RGS8: variants seen among roughly 807,000 people sequenced by gnomAD.
The protein encoded by RGS8 is regulator of G-protein signaling 8.
A neutral mutation model predicts 21.7 loss-of-function variants in RGS8; 8 were observed. The observed-to-expected ratio is 0.37, with a 90% CI of 0.22 to 0.66. RGS8 has a LOEUF of 0.66. Among genes scored for constraint, RGS8 ranks in the 30% least tolerant of loss-of-function variants. The probability of loss-of-function intolerance (pLI) is 0.59; values close to 1 mark genes in which losing one functional copy is unlikely to be tolerated. For missense variants in RGS8, 157 were observed against 217.9 expected (o/e 0.72, Z 1.76); for synonymous variants, 80 against 83.6 (o/e 0.96, Z 0.24).
the RGS8 span, among the ~76,000 whole-genome samples, chr1:182,705,269 C>T: frequency 6.6e-6 from 1 of 152,118 alleles, no homozygotes; most frequent in African/African-American, 2.4e-5. Flanking sequence ...ACAAAGAGTA[C>T]CCATGCCTGA....
chr1:182,687,906 G>C (rs202234271), upstream of RGS8, among the ~76,000 whole-genome samples: 13 of 152,326 alleles, frequency 8.5e-5, no homozygotes, highest in East Asian at 2.3e-3. Context: ...ACCTATCCCT[G>C]ACCAAGGAAC....
chr1:182,652,889 A>G (rs577441688), intron 5 of RGS8, among the ~76,000 whole-genome samples: 2 of 152,268 alleles, frequency 1.3e-5, no homozygotes, highest in African/African-American at 4.8e-5. Context: ...AAGGAGAGGA[A>G]GGAGAAGAGA....
At chr1:182,712,614 T>C in the RGS8 span, among the ~76,000 whole-genome samples, 1 of 152,212 alleles carries the variant, frequency 6.6e-6, no homozygotes, top group Admixed American at 6.5e-5. Flanking sequence ...AACAATACCC[T>C]TTAGGATGTT....
At chr1:182,738,662 G>C in the RGS8 span, among the ~76,000 whole-genome samples, 3 of 152,170 alleles carry the variant, frequency 2.0e-5, no homozygotes, top group African/African-American at 7.2e-5. Context: ...GTCAGAACAT[G>C]AGGGAATAAA....
intron 3 of RGS8, 131 bp from the exon 5 acceptor site, chr1:182,667,104 G>T (rs1213861728): frequency 2.8e-6 from 2 of 715,094 alleles, no homozygotes; most frequent in Non-Finnish European, 5.0e-6. Flanking sequence ...GGTCTCTGAA[G>T]ACTTCATGAA....
chr1:182,719,461 C>CTTTT, the RGS8 span, among the ~76,000 whole-genome samples: 25 of 140,664 alleles, frequency 1.8e-4, no homozygotes, highest in African/African-American at 6.6e-4. Flanking sequence ...TTTCTTTCTT[C>CTTTT]TTTTTTTTTT....
At chr1:182,740,573 T>TTTTTTTTTTTA in the RGS8 span, among the ~76,000 whole-genome samples, 3 of 87,322 alleles carry the variant, frequency 3.4e-5, no homozygotes, top group Admixed American at 1.3e-4. Context: ...TTTTTTTTTT[T>TTTTTTTTTTTA]ATTGATCATT....
upstream of RGS8, chr1:182,671,971 T>A (rs1664187232): frequency 7.6e-7 from 1 of 1,318,878 alleles, no homozygotes; most frequent in Non-Finnish European, 9.8e-7. Flanking sequence ...CCGGGCACAG[T>A]CTGCACGCCC....
the RGS8 span, among the ~76,000 whole-genome samples, chr1:182,748,859 G>A: frequency 6.6e-6 from 1 of 152,144 alleles, no homozygotes; most frequent in Non-Finnish European, 1.5e-5. Flanking sequence ...AATTAGTGAT[G>A]TTGAGCATAT....
chr1:182,711,579 A>G, the RGS8 span, among the ~76,000 whole-genome samples: 2 of 152,222 alleles, frequency 1.3e-5, no homozygotes, highest in Non-Finnish European at 2.9e-5. Flanking sequence ...TACCAGCAAC[A>G]AATATTGAGA....
intron 2 of RGS8, among the ~76,000 whole-genome samples, chr1:182,671,400 C>T (rs565779917): frequency 6.6e-5 from 10 of 152,264 alleles, no homozygotes; most frequent in Admixed American, 2.0e-4. Context: ...TGCATGTGCC[C>T]TCATAGGTGG....
At chr1:182,682,610 G>A (rs919668658) in intron 1 of RGS8, among the ~76,000 whole-genome samples, 1 of 152,182 alleles carries the variant, frequency 6.6e-6, no homozygotes, top group African/African-American at 2.4e-5. Context: ...TTGAAAGTGA[G>A]CCAGACACTT....
chr1:182,690,053 C>A, the RGS8 span, among the ~76,000 whole-genome samples: 2 of 152,148 alleles, frequency 1.3e-5, no homozygotes, highest in Non-Finnish European at 2.9e-5. Context: ...GGACAAATCC[C>A]AGCTCAGCCA....
upstream of RGS8, among the ~76,000 whole-genome samples, chr1:182,674,801 C>T (rs1321204149): frequency 6.6e-6 from 1 of 152,222 alleles, no homozygotes; most frequent in Non-Finnish European, 1.5e-5. Context: ...GCTACTGCTC[C>T]TGACTTGCTA....
chr1:182,658,438 T>C (rs1428158083), intron 5 of RGS8: 1 of 152,158 alleles, frequency 6.6e-6, no homozygotes, highest in Non-Finnish European at 1.5e-5. Flanking sequence ...TTTATGAAAA[T>C]GCTGTCCTAA....
chr1:182,650,493 C>A (rs189056538), intron 5 of RGS8, among the ~76,000 whole-genome samples: 158 of 152,290 alleles, frequency 1.0e-3, no homozygotes, highest in Non-Finnish European at 5.7e-4. Flanking sequence ...AGAAAGGTTT[C>A]CGGGTGACTC....
At chr1:182,739,658 T>C in the RGS8 span, among the ~76,000 whole-genome samples, 4 of 152,212 alleles carry the variant, frequency 2.6e-5, no homozygotes, top group African/African-American at 9.6e-5. Flanking sequence ...GGAATCGCCA[T>C]GGCCCTGATT....
intron 5 of RGS8, among the ~76,000 whole-genome samples, chr1:182,654,782 G>C (rs918024378): frequency 1.3e-5 from 2 of 152,274 alleles, no homozygotes; most frequent in East Asian, 1.9e-4. Context: ...GCACCAAAAA[G>C]GGAGCAAGAA....
At chr1:182,650,150 T>C (rs1271401017) in intron 5 of RGS8, among the ~76,000 whole-genome samples, 1 of 150,304 alleles carries the variant, frequency 6.7e-6, no homozygotes, top group African/African-American at 2.5e-5. Context: ...GACCTTGTGA[T>C]CCACCCGCCT....
Sources: gnomAD v4.1 joint callset for allele counts (sites outside exome capture counted in the v4.1 genomes callset) on GRCh38, gnomAD v4.1.1 for gene constraint, MANE v1.5 for transcripts, NCBI Gene and HGNC (gene_info 2026-07-23, HGNC 2026-07-21) for gene names.